Variants in CA10 observed in about 807,000 individuals in gnomAD.
The protein encoded by CA10 is carbonic anhydrase 10 (inactive).
A neutral mutation model predicts 44.2 loss-of-function variants in CA10; 14 were observed. That is an observed-to-expected ratio of 0.32 (90% CI 0.21 to 0.50). The LOEUF (loss-of-function observed/expected upper bound fraction) is 0.50, where lower values mean the gene tolerates loss of function less well. CA10 is among the 20% of genes least tolerant of loss of function. CA10 has a pLI of 0.99. For missense variants in CA10, 350 were observed against 409.7 expected (o/e 0.85, Z 1.26); for synonymous variants, 159 against 141.6 (o/e 1.12, Z -0.87).
chr17:51,811,540 G>C (rs1485823221), intron 3 of CA10, among the ~76,000 whole-genome samples: 1 of 152,168 alleles, frequency 6.6e-6, no homozygotes, highest in Admixed American at 6.5e-5. Context: ...GTGGTGTTTA[G>C]TTCTCTGTCC....
intron 2 of CA10, among the ~76,000 whole-genome samples, chr17:51,963,503 A>G (rs1366516330): frequency 1.3e-5 from 2 of 152,166 alleles, no homozygotes; most frequent in African/African-American, 4.8e-5. Flanking sequence ...AAAAAATCTC[A>G]GAGGTAGCTA....
chr17:51,963,112 C>T lies in CA10; in HGVS notation c.137-31980G>A, dbSNP rs934457041. ...TAGAATTGAAAAACTCAAGGAATTGCAAAATATAATTGAAAGCTTTAACAA... is the reference window on the plus strand; with the variant it reads ...TAGAATTGAAAAACTCAAGGAATTGTAAAATATAATTGAAAGCTTTAACAA... On this transcript the variant is annotated intron_variant, in intron 2 of 8. Transcript: ENST00000451037. Among the ~76,000 whole-genome samples, 3 of 151,882 alleles carry T rather than the reference C, an allele frequency of 2.0e-5. No homozygotes were observed. In the East Asian group the frequency reaches 5.8e-4, roughly 29 times the overall value.
chr17:51,651,320 CAG>C (rs1056530572), intron 5 of CA10, among the ~76,000 whole-genome samples: 3 of 152,154 alleles, frequency 2.0e-5, no homozygotes, highest in African/African-American at 7.2e-5. Context: ...CATGCTCCAT[CAG>C]AGTTTTGAGA....
At chr17:51,799,187 T>C (rs909490519) in intron 3 of CA10, among the ~76,000 whole-genome samples, 1 of 152,252 alleles carries the variant, frequency 6.6e-6, no homozygotes, top group Non-Finnish European at 1.5e-5. Flanking sequence ...ACTTCTTTCA[T>C]CTTTTTATCC....
At chr17:51,668,976 C>T (rs760038919) in intron 4 of CA10, among the ~76,000 whole-genome samples, 11 of 152,210 alleles carry the variant, frequency 7.2e-5, no homozygotes, top group Non-Finnish European at 1.5e-4. Context: ...GCACCAAGCT[C>T]GAATTCTCGC....
chr17:51,929,961 G>A (rs1982585914), intron 3 of CA10, among the ~76,000 whole-genome samples: 1 of 152,166 alleles, frequency 6.6e-6, no homozygotes, highest in African/African-American at 2.4e-5. Flanking sequence ...TGTGACCTGA[G>A]TCAAAGTCAC....
At chr17:52,119,672 A>G (rs1228272757) in intron 1 of CA10, among the ~76,000 whole-genome samples, 1 of 152,220 alleles carries the variant, frequency 6.6e-6, no homozygotes, top group Admixed American at 6.5e-5. Context: ...CCTATGTAAA[A>G]ATAATTATTT....
chr17:52,009,420 T>C (rs1000278551), intron 2 of CA10, among the ~76,000 whole-genome samples: 1 of 151,960 alleles, frequency 6.6e-6, no homozygotes, highest in Non-Finnish European at 1.5e-5. Flanking sequence ...GCCTTTTAAT[T>C]AATCATTATT....
intron 3 of CA10, among the ~76,000 whole-genome samples, chr17:51,775,273 A>T (rs1905776637): frequency 6.6e-6 from 1 of 152,148 alleles, no homozygotes; most frequent in Non-Finnish European, 1.5e-5. Flanking sequence ...GTCCTCACTG[A>T]GGTCAGCCTG....
At chr17:51,983,566 A>T (rs1323229703) in intron 2 of CA10, among the ~76,000 whole-genome samples, 1 of 151,540 alleles carries the variant, frequency 6.6e-6, no homozygotes, top group Non-Finnish European at 1.5e-5. Context: ...AAAATAAAAA[A>T]GGTGTTTTTT....
intron 3 of CA10, among the ~76,000 whole-genome samples, chr17:51,852,741 G>A (rs368062857): frequency 3.9e-5 from 6 of 152,284 alleles, no homozygotes; most frequent in Admixed American, 1.3e-4. Context: ...ATGGTAAAAT[G>A]AGAATAAGAA....
At chr17:51,933,992 TC>T (rs1451902328) in intron 2 of CA10, among the ~76,000 whole-genome samples, 1 of 152,130 alleles carries the variant, frequency 6.6e-6, no homozygotes, top group Non-Finnish European at 1.5e-5. Context: ...ACGAACAGTT[TC>T]GGGGTTTTAT....
intron 1 of CA10, among the ~76,000 whole-genome samples, chr17:52,146,431 C>T (rs1006498536): frequency 1.3e-5 from 2 of 152,054 alleles, no homozygotes; most frequent in Non-Finnish European, 2.9e-5. Context: ...TGGCTCACGC[C>T]TGTAATCCCA....
At chr17:51,838,453 T>C in intron 3 of CA10, among the ~76,000 whole-genome samples, 1 of 152,244 alleles carries the variant, frequency 6.6e-6, no homozygotes, top group Non-Finnish European at 1.5e-5. Context: ...AGGACTGCTG[T>C]AGCTTCAGCA....
intron 1 of CA10, among the ~76,000 whole-genome samples, chr17:52,117,084 A>T (rs2143303045): frequency 6.6e-6 from 1 of 152,314 alleles, no homozygotes; most frequent in South Asian, 2.1e-4. Flanking sequence ...TATCCAAGTT[A>T]TAGGTATATT....
chr17:51,757,629 A>G (rs1264691360), intron 3 of CA10, among the ~76,000 whole-genome samples: 1 of 152,234 alleles, frequency 6.6e-6, no homozygotes, highest in Non-Finnish European at 1.5e-5. Flanking sequence ...CTAGAGTACT[A>G]TAATAAGTGT....
intron 1 of CA10, among the ~76,000 whole-genome samples, chr17:52,120,879 C>A (rs1354902234): frequency 1.3e-5 from 2 of 152,164 alleles, no homozygotes; most frequent in South Asian, 2.1e-4. Flanking sequence ...CCTTTCTCAC[C>A]CTTCAATGTG....
chr17:51,828,524 A>G (rs537923061), intron 3 of CA10, among the ~76,000 whole-genome samples: 2 of 152,280 alleles, frequency 1.3e-5, no homozygotes, highest in African/African-American at 4.8e-5. Flanking sequence ...TTGGGTAGAT[A>G]CTAAAAAAAA....
chr17:51,822,412 C>T (rs1326185952), intron 3 of CA10, among the ~76,000 whole-genome samples: 1 of 140,078 alleles, frequency 7.1e-6, no homozygotes, highest in Non-Finnish European at 1.5e-5. Flanking sequence ...AAGACTTTGT[C>T]TCAAAAAAAC....
Sources: allele counts gnomAD v4.1 joint callset (sites outside exome capture counted in the v4.1 genomes callset), GRCh38; gene constraint gnomAD v4.1.1; transcripts MANE v1.5; gene names NCBI Gene and HGNC (gene_info 2026-07-23, HGNC 2026-07-21).